ARFGAP3: variants seen among roughly 807,000 people sequenced by gnomAD.
ARFGAP3 encodes the protein ADP-ribosylation factor GTPase-activating protein 3.
Under a neutral mutation model 75.0 loss-of-function variants are expected in ARFGAP3, and 72 were observed. The observed-to-expected ratio is 0.96, with a 90% CI of 0.79 to 1.17. ARFGAP3 has a LOEUF of 1.17. Ranked by LOEUF, ARFGAP3 falls within the 50% of genes most tolerant of loss-of-function variation. The pLI is 0.00. For missense variants in ARFGAP3, 620 were observed against 626.6 expected (o/e 0.99, Z 0.11); for synonymous variants, 221 against 217.9 (o/e 1.01, Z -0.13).
chr22:42,827,992 TAA>T (rs1926115992), intron 6 of ARFGAP3, among the ~76,000 whole-genome samples: 2 of 152,198 alleles, frequency 1.3e-5, no homozygotes, highest in South Asian at 4.1e-4. Context: ...TAAAAATAGA[TAA>T]AGTGTAGGCT....
intron 9 of ARFGAP3, among the ~76,000 whole-genome samples, chr22:42,818,739 C>G (rs894517579): frequency 6.6e-6 from 1 of 150,856 alleles, no homozygotes; most frequent in South Asian, 2.1e-4. Context: ...CCATGAATTC[C>G]TGGCAAAAGA....
intron 1 of ARFGAP3, among the ~76,000 whole-genome samples, chr22:42,854,225 G>T (rs1927402007): frequency 6.6e-6 from 1 of 152,186 alleles, no homozygotes; most frequent in South Asian, 2.1e-4. Context: ...TCTACACAGT[G>T]CCCAGCATAG....
chr22:42,805,176 G>C (rs921225190), intron 14 of ARFGAP3, among the ~76,000 whole-genome samples: 2 of 152,164 alleles, frequency 1.3e-5, no homozygotes, highest in Non-Finnish European at 2.9e-5. Context: ...CCAGGAACCA[G>C]GGTTGGTTTG....
intron 12 of ARFGAP3, among the ~76,000 whole-genome samples, chr22:42,810,408 A>C (rs1925312943): frequency 6.6e-6 from 1 of 151,200 alleles, no homozygotes; most frequent in Admixed American, 6.6e-5. Flanking sequence ...AGGCTGCAGT[A>C]AGCTGAGATT....
rs77945410 is a variant in ARFGAP3, at chr22:42,797,573, A to G, written c.*15T>C. The stretch of plus-strand genomic sequence containing the variant: ...AGAGGAATTTCTCCAGGAAATACAC[A>G]TCATGACTTCAGTATTAAGAACCGT... On this transcript the variant is annotated 3_prime_UTR_variant, in exon 16 of 16. Coordinates refer to ENST00000263245, the MANE Select transcript of ARFGAP3 (RefSeq NM_014570.5). The G allele has an allele frequency of 1.9e-3, 3,029 of 1,614,190 alleles. 46 individuals carry two copies. In the African/African-American group the frequency reaches 0.034, roughly 18 times the overall value.
chr22:42,838,059 C>T (rs1375191304), intron 3 of ARFGAP3, among the ~76,000 whole-genome samples: 1 of 151,644 alleles, frequency 6.6e-6, no homozygotes, highest in Non-Finnish European at 1.5e-5. Flanking sequence ...TTATGGCCTT[C>T]CAAAGGTCAC....
intron 3 of ARFGAP3, 119 bp from the exon 4 acceptor site, chr22:42,835,612 G>A: frequency 8.9e-7 from 1 of 1,126,980 alleles, no homozygotes; most frequent in Non-Finnish European, 1.3e-6. Context: ...ACGAGGTCGG[G>A]AGATCAGTAC....
intron 3 of ARFGAP3, among the ~76,000 whole-genome samples, chr22:42,837,772 C>G (rs1926594974): frequency 6.8e-6 from 1 of 146,468 alleles, no homozygotes; most frequent in Non-Finnish European, 1.5e-5. Context: ...CGCCAACCCC[C>G]TGGATTCAAG....
chr22:42,817,256 G>C lies in ARFGAP3; in HGVS notation c.950C>G (p.Ser317Ter). Residue 317 changes from serine to a stop codon, truncating the protein, a stop_gained, in exon 11 of 16, where the codon TCA (serine) becomes TGA (stop). Coordinates refer to ENST00000263245, the MANE Select transcript of ARFGAP3 (RefSeq NM_014570.5). LOFTEE classifies it high-confidence loss of function. The stretch of plus-strand genomic sequence containing the variant: ...CTGCATATCTGAAGTCACTGAATGT[G>C]AAATAACACTTGAGAAAACAGAAAA... ...MGFGNCRSVI[S>*]HSVTSDMQTI... 2 of 1,605,828 alleles carry C rather than the reference G, an allele frequency of 1.2e-6. No homozygotes were observed. Among genetic ancestry groups the C allele is most frequent in the Non-Finnish European group, 1.7e-6 (2 of 1,175,876 alleles).
At chr22:42,800,867 A>G (rs1477097465) in intron 14 of ARFGAP3, among the ~76,000 whole-genome samples, 1 of 152,198 alleles carries the variant, frequency 6.6e-6, no homozygotes, top group Non-Finnish European at 1.5e-5. Flanking sequence ...CCAGGAAATG[A>G]CAGTTCCAGC....
chr22:42,824,389 C>T (rs1225973259), intron 7 of ARFGAP3, among the ~76,000 whole-genome samples: 1 of 151,972 alleles, frequency 6.6e-6, no homozygotes, highest in Non-Finnish European at 1.5e-5. Flanking sequence ...GATGGTCTCA[C>T]TCCATTACCT....
chr22:42,854,400 G>A (rs954773442), intron 1 of ARFGAP3, among the ~76,000 whole-genome samples: 3 of 152,190 alleles, frequency 2.0e-5, no homozygotes, highest in Non-Finnish European at 2.9e-5. Context: ...TGAGACAGGC[G>A]GATCACTTTA....
intron 9 of ARFGAP3, among the ~76,000 whole-genome samples, chr22:42,819,736 T>A (rs972822735): frequency 9.2e-5 from 14 of 152,216 alleles, no homozygotes; most frequent in African/African-American, 3.4e-4. Flanking sequence ...AGAACAACAC[T>A]GTTCTGACAG....
chr22:42,845,061 C>T lies in ARFGAP3; in HGVS notation c.188+2453G>A, dbSNP rs141426783. 1.9e-3 allele frequency among the ~76,000 whole-genome samples: 291 copies of T among 151,948 alleles called. 2 individuals are homozygous for T. The highest frequency in any genetic ancestry group is 6.6e-3 in the African/African-American group (274 of 41,428). On this transcript the variant is annotated intron_variant, in intron 2 of 15. Coordinates refer to ENST00000263245, the MANE Select transcript of ARFGAP3 (RefSeq NM_014570.5). ...GGCTTAAACTGGAAGTATTCTTTAG[C>T]GATGAGGAAGAAGGAGAGGTTATAA...
In ARFGAP3 at chr22:42,827,014, C is replaced by T. The variant is rs1926070178; in HGVS notation, c.566-15G>A. 6.2e-7 allele frequency: 1 copy of T among 1,612,582 alleles called. No individual in the cohort carries two copies. The highest frequency in any genetic ancestry group is 1.7e-5 in the Admixed American group (1 of 59,742). On this transcript the variant is annotated splice_polypyrimidine_tract_variant and intron_variant, in intron 6 of 15. Coordinates refer to ENST00000263245, the MANE Select transcript of ARFGAP3 (RefSeq NM_014570.5). ...CTCTTGTCCACCTGAAAATTCAAAA[C>T]ATTGATATTAGCGCAGAAAATATAC...
chr22:42,824,799 G>C (rs1041797947), intron 7 of ARFGAP3, among the ~76,000 whole-genome samples: 1 of 152,150 alleles, frequency 6.6e-6, no homozygotes, highest in African/African-American at 2.4e-5. Context: ...CAGACAGTGA[G>C]CACAGTATCC....
intron 7 of ARFGAP3, among the ~76,000 whole-genome samples, chr22:42,824,394 T>C (rs115913258): frequency 0.01 from 1,597 of 152,102 alleles, 28 homozygotes; most frequent in African/African-American, 0.036. Context: ...TCTCACTCCA[T>C]TACCTAGGCT....
intron 6 of ARFGAP3, among the ~76,000 whole-genome samples, chr22:42,828,748 G>A (rs1926156935): frequency 1.4e-5 from 2 of 144,172 alleles, no homozygotes; most frequent in Non-Finnish European, 3.0e-5. Flanking sequence ...GTAGTGGTGC[G>A]AACTCGGCTC....
chr22:42,842,016 T>C (rs1926803806), intron 2 of ARFGAP3, among the ~76,000 whole-genome samples: 1 of 142,748 alleles, frequency 7.0e-6, no homozygotes, highest in Admixed American at 6.9e-5. Context: ...CCGGGCTTTT[T>C]TTTTTTTTTT....
Sources: allele counts gnomAD v4.1 joint callset (sites outside exome capture counted in the v4.1 genomes callset), GRCh38; gene constraint gnomAD v4.1.1; transcripts MANE v1.5; gene names NCBI Gene and HGNC (gene_info 2026-07-23, HGNC 2026-07-21).